Variants in LDLRAD3 observed in about 807,000 individuals in gnomAD.
LDLRAD3 encodes low density lipoprotein receptor class A domain containing 3, also known as low-density lipoprotein receptor class A domain-containing protein 3.
Under a neutral mutation model 29.4 loss-of-function variants are expected in LDLRAD3, and 20 were observed. The observed-to-expected ratio is 0.68, with a 90% CI of 0.48 to 0.99. The LOEUF (loss-of-function observed/expected upper bound fraction) is 0.99, where lower values mean the gene tolerates loss of function less well. LDLRAD3 is among the 50% of genes least tolerant of loss of function. The probability of loss-of-function intolerance (pLI) is 0.00; values close to 1 mark genes in which losing one functional copy is unlikely to be tolerated. For missense variants in LDLRAD3, 420 were observed against 454.3 expected (o/e 0.92, Z 0.69); for synonymous variants, 157 against 192.7 (o/e 0.81, Z 1.53).
At chr11:36,221,623 A>T (rs1230811764) in intron 4 of LDLRAD3, among the ~76,000 whole-genome samples, 2 of 152,226 alleles carry the variant, frequency 1.3e-5, no homozygotes. Flanking sequence ...CAGCATAGCA[A>T]GACCTTATGT....
intron 3 of LDLRAD3, among the ~76,000 whole-genome samples, chr11:36,091,820 T>C (rs1399086541): frequency 6.6e-6 from 1 of 152,194 alleles, no homozygotes; most frequent in East Asian, 1.9e-4. Context: ...TCCCAGAGGA[T>C]GAAATGTTTC....
intron 1 of LDLRAD3, among the ~76,000 whole-genome samples, chr11:36,030,797 T>C (rs1289013204): frequency 6.6e-6 from 1 of 152,184 alleles, no homozygotes; most frequent in African/African-American, 2.4e-5. Context: ...GATTGCATCA[T>C]GACAAGGGGT....
At chr11:36,066,805 G>T (rs1852802212) in intron 2 of LDLRAD3, among the ~76,000 whole-genome samples, 1 of 152,318 alleles carries the variant, frequency 6.6e-6, no homozygotes, top group Middle Eastern at 3.4e-3. Flanking sequence ...GGGATGAGGA[G>T]ATTTCCTTGA....
intron 2 of LDLRAD3, among the ~76,000 whole-genome samples, chr11:36,080,272 G>C (rs1853091045): frequency 6.6e-6 from 1 of 152,206 alleles, no homozygotes; most frequent in South Asian, 2.1e-4. Context: ...TCGCAAGCCG[G>C]AGCACCAGAA....
At chr11:36,003,440 G>A (rs2133180011) in intron 1 of LDLRAD3, among the ~76,000 whole-genome samples, 1 of 152,324 alleles carries the variant, frequency 6.6e-6, no homozygotes, top group South Asian at 2.1e-4. Flanking sequence ...TCCAAGCTGA[G>A]TGGACTTGGA....
intron 1 of LDLRAD3, among the ~76,000 whole-genome samples, chr11:35,960,403 G>A (rs989550690): frequency 6.6e-6 from 1 of 152,170 alleles, no homozygotes; most frequent in East Asian, 1.9e-4. Flanking sequence ...TAGAATTGCT[G>A]ATCAAAGGAT....
intron 1 of LDLRAD3, among the ~76,000 whole-genome samples, chr11:35,960,989 T>C (rs1006121840): frequency 1.1e-4 from 17 of 152,176 alleles, no homozygotes; most frequent in Non-Finnish European, 1.5e-5. Context: ...AGGTGGATAA[T>C]GGATGGGGAA....
Position 36,019,454 on chromosome 11 carries a change from C to A in LDLRAD3, c.47-16649C>A, listed in dbSNP as rs528600551. On this transcript the variant is annotated intron_variant, in intron 1 of 5. Transcript: ENST00000315571. ...ATTATTCCTCTCTTCACATCCAGGT[C>A]ATGTGGAGAGCTGCCACCTTCCATA... is the stretch of plus-strand genomic sequence containing the variant. Among the ~76,000 whole-genome samples, 420 of 152,296 alleles carry A rather than the reference C, an allele frequency of 2.8e-3. 1 individual carries two copies. Among genetic ancestry groups the A allele is most frequent in the Non-Finnish European group, 4.2e-3 (285 of 68,022 alleles).
chr11:36,229,631 G>GCGGCC lies in LDLRAD3; in HGVS notation c.*234_*235insCGGCC. 2.4e-6 allele frequency: 1 copy of GCGGCC among 421,288 alleles called. No homozygotes were observed. Among genetic ancestry groups the GCGGCC allele is most frequent in the South Asian group, 7.7e-5 (1 of 12,978 alleles). The allele number at this position is 421,288 out of a possible 1,614,324, so 26.1% of individuals were successfully genotyped here. On this transcript the variant is annotated 3_prime_UTR_variant, in exon 6 of 6. Transcript: ENST00000315571. ...TTCTGTCAGGTCACTCTTCCCTTGGGACCCGAGATCACACCCTCATTTTTC... is the reference window on the plus strand; with the variant it reads ...TTCTGTCAGGTCACTCTTCCCTTGGGCGGCCACCCGAGATCACACCCTCATTTTTC...
chr11:36,072,181 A>C (rs1236327497), intron 2 of LDLRAD3, among the ~76,000 whole-genome samples: 1 of 152,226 alleles, frequency 6.6e-6, no homozygotes, highest in Non-Finnish European at 1.5e-5. Context: ...TTGGCCAACC[A>C]CAGAGGTCTA....
intron 4 of LDLRAD3, among the ~76,000 whole-genome samples, chr11:36,185,975 A>G (rs775237576): frequency 6.6e-6 from 1 of 152,198 alleles, no homozygotes; most frequent in Non-Finnish European, 1.5e-5. Context: ...TTTATATATT[A>G]GAGGCCACAG....
intron 4 of LDLRAD3, among the ~76,000 whole-genome samples, chr11:36,226,540 G>T (rs1033859287): frequency 1.3e-5 from 2 of 152,298 alleles, no homozygotes; most frequent in East Asian, 3.9e-4. Context: ...GATATTATTT[G>T]CAGTACTTAA....
chr11:36,029,708 C>T (rs1321425976), intron 1 of LDLRAD3, among the ~76,000 whole-genome samples: 3 of 152,096 alleles, frequency 2.0e-5, no homozygotes, highest in Non-Finnish European at 2.9e-5. Flanking sequence ...CTTTGCTTGC[C>T]CCATTAATAA....
At chr11:36,204,498 C>CT (rs56354406) in intron 4 of LDLRAD3, among the ~76,000 whole-genome samples, 38,664 of 144,824 alleles carry the variant, frequency 0.27, 5,161 homozygotes, top group East Asian at 0.31. Flanking sequence ...CTCTCTCTTT[C>CT]TTTTTTTTTT....
intron 4 of LDLRAD3, among the ~76,000 whole-genome samples, chr11:36,198,105 C>T (rs1855062390): frequency 6.6e-6 from 1 of 151,970 alleles, no homozygotes; most frequent in South Asian, 2.1e-4. Context: ...CTAGCATGTG[C>T]TATGATGAAA....
intron 4 of LDLRAD3, among the ~76,000 whole-genome samples, chr11:36,174,825 C>G (rs1349277482): frequency 6.6e-6 from 1 of 151,794 alleles, no homozygotes; most frequent in Admixed American, 6.6e-5. Flanking sequence ...ACTAAAAATA[C>G]AAAAAAATTA....
At chr11:36,051,336 T>C (rs1282773096) in intron 2 of LDLRAD3, among the ~76,000 whole-genome samples, 1 of 152,092 alleles carries the variant, frequency 6.6e-6, no homozygotes, top group East Asian at 1.9e-4. Flanking sequence ...GTCAACATGG[T>C]TGAGAGCATT....
chr11:36,220,896 C>T (rs1158617269), intron 4 of LDLRAD3, among the ~76,000 whole-genome samples: 1 of 151,972 alleles, frequency 6.6e-6, no homozygotes, highest in Non-Finnish European at 1.5e-5. Flanking sequence ...CTAAGGTGTA[C>T]CTCAATAAAT....
chr11:35,993,260 A>G (rs991788716), intron 1 of LDLRAD3, among the ~76,000 whole-genome samples: 6 of 152,230 alleles, frequency 3.9e-5, no homozygotes, highest in South Asian at 2.1e-4. Flanking sequence ...CCAGCAAGGA[A>G]TAGCCTCCTT....
Sources: allele counts gnomAD v4.1 joint callset (sites outside exome capture counted in the v4.1 genomes callset), GRCh38; gene constraint gnomAD v4.1.1; transcripts MANE v1.5; gene names NCBI Gene and HGNC (gene_info 2026-07-23, HGNC 2026-07-21).